Variants in ZNF445 observed in about 807,000 individuals in gnomAD.
ZNF445 encodes the protein zinc finger protein 168.
A neutral mutation model predicts 93.9 loss-of-function variants in ZNF445; 19 were observed. The observed-to-expected ratio is 0.20, with a 90% confidence interval of 0.14 to 0.30. The LOEUF is 0.30. Among genes scored for constraint, ZNF445 ranks in the 10% least tolerant of loss-of-function variants. The pLI, the probability that ZNF445 is intolerant of heterozygous loss-of-function variation, is 1.00. For missense variants in ZNF445, 1,058 were observed against 1,259.4 expected, an observed-to-expected ratio of 0.84 and a Z score of 2.42; for synonymous variants, 449 against 446.3, an observed-to-expected ratio of 1.01 and a Z score of -0.08.
rs781032930 is a variant in ZNF445, at chr3:44,432,273, C to CTG, written c.*14300_*14301dup. The CTG allele has an allele frequency of 0.16, 22,065 of 140,522 alleles. 1,653 individuals are homozygous for CTG. The highest frequency in any genetic ancestry group is 0.22 in the Middle Eastern group (60 of 272). The allele number at this position is 140,522 out of a possible 1,614,324, so 8.7% of individuals were successfully genotyped here. A position where few individuals can be genotyped will look rare whatever the true frequency, so the allele number is the denominator to read the frequency against. On this transcript the variant is annotated 3_prime_UTR_variant, in exon 8 of 8. Coordinates refer to ENST00000396077, the MANE Select transcript of ZNF445 (RefSeq NM_181489.6). Reference sequence around the variant, plus strand: ...TCTACACTCATTTGTGTGTGTGTGTCTGTGTGTGTGTGTGTGTGTGTGTGT... The same window carrying CTG: ...TCTACACTCATTTGTGTGTGTGTGTCTGTGTGTGTGTGTGTGTGTGTGTGTGT...
At position 44,455,631 on chromosome 3, in the gene ZNF445, T is replaced by A; in HGVS notation, c.-82A>T. The A allele has an allele frequency of 1.5e-6, 2 of 1,321,718 alleles. No individual in the cohort carries two copies. The highest frequency in any genetic ancestry group is 2.1e-6 in the Non-Finnish European group (2 of 973,812). 81.9% of individuals were successfully genotyped at this position (1,321,718 alleles called of 1,614,324 possible). On this transcript the variant is annotated 5_prime_UTR_variant, in exon 3 of 8. Transcript: ENST00000396077. ...GTCCTCAGAAGTATCTTCTCAGCAG[T>A]CAACAATGCCAACATTTGCTGGGAC...
At position 44,440,305 on chromosome 3, in the gene ZNF445, C is replaced by T. The variant is rs541013685; in HGVS notation, c.*6270G>A. The T allele has an allele frequency of 2.6e-5, 4 of 152,338 alleles. No homozygotes were observed. The highest frequency in any genetic ancestry group is 4.4e-5 in the Non-Finnish European group (3 of 68,038). 9.4% of individuals were successfully genotyped at this position (152,338 alleles called of 1,614,324 possible). A position where few individuals can be genotyped will look rare whatever the true frequency, so the allele number is the denominator to read the frequency against. On this transcript the variant is annotated 3_prime_UTR_variant, in exon 8 of 8. Transcript: ENST00000396077. The stretch of plus-strand genomic sequence containing the variant: ...TAGCTGGCATACAAGTATTTACTCT[C>T]CTTTTCCTCATCTAATAAAGTAGAA...
In ZNF445 at chr3:44,441,368, T is replaced by C. The variant is rs898380721; in HGVS notation, c.*5207A>G. On this transcript the variant is annotated 3_prime_UTR_variant, in exon 8 of 8. Transcript: ENST00000396077. Reference sequence around the variant, plus strand: ...CCGGCTTCTTTACCACATGCTGTTTTATTGGCAAGGTCTTTATGACTGTAT... The same window carrying C: ...CCGGCTTCTTTACCACATGCTGTTTCATTGGCAAGGTCTTTATGACTGTAT... 5 of 152,248 alleles carry C rather than the reference T, an allele frequency of 3.3e-5. No individual in the cohort carries two copies. The highest frequency in any genetic ancestry group is 5.9e-5 in the Non-Finnish European group (4 of 68,050). The allele number at this position is 152,248 out of a possible 1,614,324, so 9.4% of individuals were successfully genotyped here. A position where few individuals can be genotyped will look rare whatever the true frequency, so the allele number is the denominator to read the frequency against.
rs777857271 is a variant in ZNF445 at position 44,448,050 on chromosome 3, A to G, written c.1621T>C (p.Tyr541His). ...HEKIHTGVKP[Y>H]KCDLCEKAFR... is the part of the protein sequence containing the mutation. ...GCTTTCTCACATAAATCGCATTTAT[A>G]AGGCTTCACTCCAGTGTGAATTTTC... The change falls in exon 8 of 8, where the codon TAT becomes CAT. Residue 541 changes from tyrosine (Y) to histidine (H), a missense_variant. Coordinates refer to ENST00000396077, the MANE Select transcript of ZNF445 (RefSeq NM_181489.6). 3.1e-6 allele frequency: 5 copies of G among 1,611,978 alleles called. No homozygotes were observed. The highest frequency in any genetic ancestry group is 3.4e-6 in the Non-Finnish European group (4 of 1,180,038).
chr3:44,468,868 G>A (rs999970460), intron 1 of ZNF445, among the ~76,000 whole-genome samples: 1 of 152,008 alleles, frequency 6.6e-6, no homozygotes, highest in African/African-American at 2.4e-5. Context: ...CCACACAGCC[G>A]GCTCTGCGTG....
At chr3:44,472,716 A>G (rs1249227145) in intron 1 of ZNF445, among the ~76,000 whole-genome samples, 1 of 151,208 alleles carries the variant, frequency 6.6e-6, no homozygotes, top group Admixed American at 6.9e-5. Flanking sequence ...CTCAGCAGAC[A>G]GCTGAGCCCG....
intron 3 of ZNF445, among the ~76,000 whole-genome samples, chr3:44,453,060 A>AACACCACC (rs1472213985): frequency 6.6e-6 from 1 of 150,570 alleles, no homozygotes; most frequent in African/African-American, 2.4e-5. Context: ...ACTACAGGCG[A>AACACCACC]ACACCACCAC....
chr3:44,451,632 G>T, intron 3 of ZNF445, 150 bp from the exon 4 acceptor site: 1 of 848,372 alleles, frequency 1.2e-6, no homozygotes, highest in Non-Finnish European at 1.8e-6. Flanking sequence ...GAAAGGGCAA[G>T]AAGAACGCCC....
At chr3:44,464,814 G>A (rs919852196) in intron 1 of ZNF445, among the ~76,000 whole-genome samples, 3 of 152,022 alleles carry the variant, frequency 2.0e-5, no homozygotes, top group Non-Finnish European at 2.9e-5. Flanking sequence ...AGTGGCTCAC[G>A]GCTGTAATAC....
At position 44,436,664 on chromosome 3, in the gene ZNF445, G is replaced by A. The variant is rs1575301412; in HGVS notation, c.*9911C>T. Reference sequence around the variant, plus strand: ...ATTCGTGTTTTTTTTTTCTTTTGGAGATGAGTTCTCACTATATTGCCCAAG... The same window carrying A: ...ATTCGTGTTTTTTTTTTCTTTTGGAAATGAGTTCTCACTATATTGCCCAAG... On this transcript the variant is annotated 3_prime_UTR_variant, in exon 8 of 8. Transcript: ENST00000396077. The A allele has an allele frequency of 6.6e-6, 1 of 151,662 alleles. No individual in the cohort carries two copies. The highest frequency in any genetic ancestry group is 1.9e-4 in the East Asian group (1 of 5,162). 9.4% of individuals were successfully genotyped at this position (151,662 alleles called of 1,614,324 possible).
chr3:44,472,341 C>CT (rs534184142), intron 1 of ZNF445, among the ~76,000 whole-genome samples: 19 of 152,188 alleles, frequency 1.2e-4, no homozygotes, highest in Non-Finnish European at 2.4e-4. Flanking sequence ...GGGTCAGTGA[C>CT]TTTTTTTTCC....
intron 3 of ZNF445, among the ~76,000 whole-genome samples, chr3:44,451,794 T>C (rs1697962421): frequency 6.6e-6 from 1 of 151,976 alleles, no homozygotes; most frequent in Non-Finnish European, 1.5e-5. Flanking sequence ...AGTGCCACCT[T>C]CCCACTACCC....
In ZNF445 at chr3:44,440,996, C is replaced by T. The variant is rs1438174345; in HGVS notation, c.*5579G>A. ...TGGCACCATCTTGGCTCACTGCAAC[C>T]TCCAACTCCCGGGATCTAGAGATTC... is the stretch of plus-strand genomic sequence containing the variant. On this transcript the variant is annotated 3_prime_UTR_variant, in exon 8 of 8. Coordinates refer to ENST00000396077, the MANE Select transcript of ZNF445 (RefSeq NM_181489.6). 6.6e-6 allele frequency: 1 copy of T among 151,754 alleles called. No individual in the cohort carries two copies. The highest frequency in any genetic ancestry group is 1.5e-5 in the Non-Finnish European group (1 of 67,990). The allele number at this position is 151,754 out of a possible 1,614,324, so 9.4% of individuals were successfully genotyped here.
At position 44,448,434 on chromosome 3, in the gene ZNF445, G is replaced by T; in HGVS notation, c.1237C>A (p.Leu413Ile). 6.2e-7 allele frequency: 1 copy of T among 1,613,980 alleles called. No homozygotes were observed. Among genetic ancestry groups the T allele is most frequent in the Non-Finnish European group, 8.5e-7 (1 of 1,180,002 alleles). ...AAGTGTTTGCCACAGCCATGTTTAA[G>T]GGATTCCTTTCTTCCAGAAACTCTC... is the stretch of plus-strand genomic sequence containing the variant. ...YLRVSGRKES[L>I]KHGCGKHFRM... The change falls in exon 8 of 8, where the codon CTT (leucine) becomes ATT (isoleucine). Residue 413 changes from leucine to isoleucine, a missense_variant. Transcript: ENST00000396077.
chr3:44,467,476 C>G, intron 1 of ZNF445, among the ~76,000 whole-genome samples: 1 of 152,254 alleles, frequency 6.6e-6, no homozygotes, highest in East Asian at 1.9e-4. Flanking sequence ...GTACAAGCTT[C>G]CTGACAACCC....
Position 44,446,551 on chromosome 3 carries a change from C to G in ZNF445, c.*24G>C. ...CTAGCAGGGGACTGAGAACCCACCC[C>G]CACTGTCACTGTCAGGTCCCAGGCT... is the stretch of plus-strand genomic sequence containing the variant. On this transcript the variant is annotated 3_prime_UTR_variant, in exon 8 of 8. Coordinates refer to ENST00000396077, the MANE Select transcript of ZNF445 (RefSeq NM_181489.6). This position sits in a 1 kb window ranked among gnomAD's most constrained non-coding sequence, Gnocchi z 4.2. The G allele has an allele frequency of 1.2e-6, 2 of 1,613,634 alleles. No individual in the cohort carries two copies. Among genetic ancestry groups the G allele is most frequent in the Non-Finnish European group, 1.7e-6 (2 of 1,179,972 alleles).
In ZNF445 at chr3:44,433,008, TCAG is replaced by T. The variant is rs1697591767; in HGVS notation, c.*13564_*13566del. The T allele has an allele frequency of 6.6e-6, 1 of 152,144 alleles. No homozygotes were observed. Among genetic ancestry groups the T allele is most frequent in the African/African-American group, 2.4e-5 (1 of 41,406 alleles). 9.4% of individuals were successfully genotyped at this position (152,144 alleles called of 1,614,324 possible). A position where few individuals can be genotyped will look rare whatever the true frequency, so the allele number is the denominator to read the frequency against. On this transcript the variant is annotated 3_prime_UTR_variant, in exon 8 of 8. Transcript: ENST00000396077. The stretch of plus-strand genomic sequence containing the variant: ...GAAGCACAGGAGATCACAGAAGACC[TCAG>T]CAGGCCAGCTTTGCAACATCCTAAC...
intron 1 of ZNF445, among the ~76,000 whole-genome samples, chr3:44,474,658 C>A (rs921458184): frequency 6.6e-6 from 1 of 152,068 alleles, no homozygotes; most frequent in African/African-American, 2.4e-5. Flanking sequence ...TAGATTGGAG[C>A]CTACAACAGA....
chr3:44,446,552 C>G lies in ZNF445; in HGVS notation c.*23G>C. 1.2e-6 allele frequency: 2 copies of G among 1,613,652 alleles called. No homozygotes were observed. Among genetic ancestry groups the G allele is most frequent in the African/African-American group, 2.7e-5 (2 of 75,006 alleles). On this transcript the variant is annotated 3_prime_UTR_variant, in exon 8 of 8. Coordinates refer to ENST00000396077, the MANE Select transcript of ZNF445 (RefSeq NM_181489.6). This position sits in a 1 kb window ranked among gnomAD's most constrained non-coding sequence, Gnocchi z 4.2. ...TAGCAGGGGACTGAGAACCCACCCCCACTGTCACTGTCAGGTCCCAGGCTA... is the reference window on the plus strand; with the variant it reads ...TAGCAGGGGACTGAGAACCCACCCCGACTGTCACTGTCAGGTCCCAGGCTA...
Sources: gnomAD v4.1 joint callset for allele counts (sites outside exome capture counted in the v4.1 genomes callset) on GRCh38, gnomAD v4.1.1 for gene constraint, Gnocchi (gnomAD v3.1) non-coding constraint, MANE v1.5 for transcripts, NCBI Gene and HGNC (gene_info 2026-07-23, HGNC 2026-07-21) for gene names.